The following ZSCAN5B variants were observed in gnomAD, a reference collection of about 807,000 sequenced individuals.
ZSCAN5B encodes zinc finger and SCAN domain containing 5B.
In ZSCAN5B, 26 loss-of-function variants were observed where a neutral mutation model predicts 25.2. That is an observed-to-expected ratio of 1.03 (90% confidence interval 0.76 to 1.43). ZSCAN5B has a LOEUF of 1.43. Among genes scored for constraint, ZSCAN5B ranks in the 40% most tolerant of loss-of-function variants. ZSCAN5B has a pLI of 0.00. For synonymous variants in ZSCAN5B, 244 were observed against 240.9 expected (o/e 1.01, Z -0.12); for missense variants, 745 against 622.1 (o/e 1.20, Z -2.10).
exon 5 of ZSCAN5B, chr19:56,190,568 C>T: frequency 1.2e-6 from 2 of 1,611,146 alleles, no homozygotes; most frequent in Non-Finnish European, 1.7e-6. Context: ...CCTTTGCTCT[C>T]ACCAGATCTG....
exon 3 of ZSCAN5B, chr19:56,191,868 A>G (rs752273641): frequency 6.2e-7 from 1 of 1,613,722 alleles, no homozygotes; most frequent in Non-Finnish European, 8.5e-7. Context: ...TGGACAGTGC[A>G]GCGACCCTGG....
At chr19:56,190,047 T>G (rs768301311) in exon 5 of ZSCAN5B, 2 of 1,613,180 alleles carry the variant, frequency 1.2e-6, no homozygotes, top group African/African-American at 2.7e-5. Context: ...TAAGGTGGAC[T>G]CGTGGGCGAA....
In ZSCAN5B at chr19:56,197,793, G is replaced by A. The variant is rs557558967; in HGVS notation, c.-187C>T. 4.5e-5 allele frequency: 44 copies of A among 985,360 alleles called. No homozygotes were observed. In the South Asian group the frequency reaches 1.6e-3, roughly 35 times the overall value. The allele number at this position is 985,360 out of a possible 1,614,324, so 61.0% of individuals were successfully genotyped here. A position where few individuals can be genotyped will look rare whatever the true frequency, so the allele number is the denominator to read the frequency against. On this transcript the variant is annotated 5_prime_UTR_variant, in exon 1 of 5. Transcript: ENST00000586855. ...CTGGGATGCGCTCTCCAACCGGCCTGGAGCTGAACTGCGTCTATTTATGGA... is the reference window on the plus strand; with the variant it reads ...CTGGGATGCGCTCTCCAACCGGCCTAGAGCTGAACTGCGTCTATTTATGGA...
exon 5 of ZSCAN5B, chr19:56,190,083 T>C (rs2032704735): frequency 2.5e-6 from 4 of 1,613,938 alleles, no homozygotes; most frequent in Non-Finnish European, 3.4e-6. Context: ...GTCACACATG[T>C]AGGGCCTCTC....
chr19:56,190,204 T>G, exon 5 of ZSCAN5B: 1 of 1,614,056 alleles, frequency 6.2e-7, no homozygotes, highest in Non-Finnish European at 8.5e-7. Context: ...CTGTGGATGC[T>G]TAGCTGGGAA....
chr19:56,190,191 C>T (rs2032708143), exon 5 of ZSCAN5B: 3 of 1,614,062 alleles, frequency 1.9e-6, no homozygotes, highest in Non-Finnish European at 2.5e-6. Flanking sequence ...TGTGTGTGAC[C>T]TCCTGTGGAT....
intron 1 of ZSCAN5B, among the ~76,000 whole-genome samples, chr19:56,197,026 C>G (rs535112852): frequency 2.6e-5 from 4 of 152,050 alleles, no homozygotes; most frequent in Non-Finnish European, 5.9e-5. Flanking sequence ...CTCCTGCAGC[C>G]CCAGCTAGGT....
At chr19:56,197,758 C>A (rs1255133357) in exon 1 of ZSCAN5B, 3 of 985,328 alleles carry the variant, frequency 3.0e-6, no homozygotes, top group East Asian at 2.3e-4. Context: ...CTGCCTCCGA[C>A]CTTCTCGGTC....
exon 5 of ZSCAN5B, chr19:56,189,773 A>G: frequency 6.5e-7 from 1 of 1,542,834 alleles, no homozygotes; most frequent in Non-Finnish European, 8.7e-7. Flanking sequence ...AACATTGGAG[A>G]AAAACCATCA....
At chr19:56,190,050 T>C (rs748509099) in exon 5 of ZSCAN5B, 4 of 1,613,982 alleles carry the variant, frequency 2.5e-6, no homozygotes, top group Admixed American at 1.7e-5. Flanking sequence ...GGTGGACTCG[T>C]GGGCGAACCG....
intron 1 of ZSCAN5B, 100 bp downstream of exon 1, chr19:56,197,634 C>A (rs984725185): frequency 7.3e-6 from 5 of 689,122 alleles, no homozygotes; most frequent in Non-Finnish European, 9.0e-6. Flanking sequence ...ACAAAGTCTC[C>A]GAGAAAATAA....
intron 1 of ZSCAN5B, among the ~76,000 whole-genome samples, chr19:56,194,691 C>T (rs2032784698): frequency 6.6e-6 from 1 of 152,098 alleles, no homozygotes; most frequent in Admixed American, 6.6e-5. Context: ...AATCTCAGCT[C>T]ACTGCAACCT....
rs549457110 is a variant in ZSCAN5B at position 56,197,535 on chromosome 19, C to G, written c.-128+199G>C. 7.9e-5 allele frequency among the ~76,000 whole-genome samples: 12 copies of G among 152,268 alleles called. No homozygotes were observed. The East Asian group carries it at 2.1e-3, about 27-fold the overall frequency. ...ACAGGCGTGCGCCACTGGGCCCGACCGAGAAAGTTAATATTATTCCTAGTT... is the reference window on the plus strand; with the variant it reads ...ACAGGCGTGCGCCACTGGGCCCGACGGAGAAAGTTAATATTATTCCTAGTT... On this transcript the variant is annotated intron_variant, in intron 1 of 4. Transcript: ENST00000586855.
chr19:56,197,668 C>A, intron 1 of ZSCAN5B, 66 bp downstream of exon 1: 1 of 916,608 alleles, frequency 1.1e-6, no homozygotes, highest in Non-Finnish European at 1.3e-6. Context: ...TAAACCCAAA[C>A]TTTCTGAAAC....
chr19:56,192,679 G>A (rs2032753112), exon 2 of ZSCAN5B: 1 of 1,591,394 alleles, frequency 6.3e-7, no homozygotes, highest in African/African-American at 1.3e-5. Context: ...CCATTTCTTG[G>A]GTCTTCTGTT....
rs770738589 is a variant in ZSCAN5B at position 56,191,897 on chromosome 19, G to A, written c.541C>T (p.Arg181Ter). 64 of 1,613,840 alleles carry A rather than the reference G, an allele frequency of 4.0e-5. No individual in the cohort carries two copies. The highest frequency in any genetic ancestry group is 1.3e-4 in the East Asian group (6 of 44,894). ...ACCCTGGGCAGGATCTGCTGCTCTCGGCGGGCCTGGCCTGTCCCCGGATGC... is the reference window on the plus strand; with the variant it reads ...ACCCTGGGCAGGATCTGCTGCTCTCAGCGGGCCTGGCCTGTCCCCGGATGC... Residue 181 changes from arginine to a stop codon, truncating the protein, a stop_gained, in exon 3 of 5, where the codon CGA becomes TGA. Transcript: ENST00000586855. LOFTEE classifies it high-confidence loss of function.
chr19:56,196,938 G>C (rs1245282771), intron 1 of ZSCAN5B, among the ~76,000 whole-genome samples: 2 of 151,996 alleles, frequency 1.3e-5, no homozygotes, highest in Non-Finnish European at 2.9e-5. Context: ...CGAGGAGTTC[G>C]AGACCAGACT....
rs770091490 is a variant in ZSCAN5B at position 56,190,989 on chromosome 19, T to C, written c.589-2A>G. 3.7e-6 allele frequency: 6 copies of C among 1,613,720 alleles called. No homozygotes were observed. In the African/African-American group the frequency reaches 6.7e-5, roughly 18 times the overall value. On this transcript the variant is annotated splice_acceptor_variant, in intron 3 of 4. Transcript: ENST00000586855. LOFTEE classifies it high-confidence loss of function. Reference sequence around the variant, plus strand: ...CTTGTGTAGCAGAAAGTCCTCTCCCTGAAGAGGAAAAACCAAGAGCAATGA... The same window carrying C: ...CTTGTGTAGCAGAAAGTCCTCTCCCCGAAGAGGAAAAACCAAGAGCAATGA...
rs2032727525 is a variant in ZSCAN5B at position 56,191,193 on chromosome 19, G to A, written c.589-206C>T. Among the ~76,000 whole-genome samples, 4 of 152,090 alleles carry A rather than the reference G, an allele frequency of 2.6e-5. No individual in the cohort carries two copies. In the South Asian group the frequency reaches 8.3e-4, roughly 32 times the overall value. ...GCTCCTTTGCCTGGCGGTTTTCACT[G>A]TTTGGTTCTCTGAGAATATTTCTCC... is the stretch of plus-strand genomic sequence containing the variant. On this transcript the variant is annotated intron_variant, in intron 3 of 4. Transcript: ENST00000586855.
Sources: gnomAD v4.1 joint callset for allele counts (sites outside exome capture counted in the v4.1 genomes callset) on GRCh38, gnomAD v4.1.1 for gene constraint, MANE v1.5 for transcripts, NCBI Gene and HGNC (gene_info 2026-07-23, HGNC 2026-07-21) for gene names.